The following ZNF717 variants were observed in gnomAD, a reference collection of about 807,000 sequenced individuals.
ZNF717 encodes the protein zinc finger protein 717.
In ZNF717, 9 loss-of-function variants were observed where a neutral mutation model predicts 13.8. The observed-to-expected ratio is 0.65, with a 90% confidence interval of 0.39 to 1.14. The LOEUF is 1.14. Among genes scored for constraint, ZNF717 ranks in the 50% most tolerant of loss-of-function variants. The pLI is 0.01. For missense variants in ZNF717, 1,040 were observed against 1,080.7 expected (o/e 0.96, Z 0.53); for synonymous variants, 327 against 364.1 (o/e 0.90, Z 1.16).
intron 6 of ZNF717, among the ~76,000 whole-genome samples, chr3:75,703,285 A>G (rs1218200294): frequency 1.2e-4 from 19 of 152,302 alleles, no homozygotes; most frequent in African/African-American, 4.6e-4. Context: ...AATCCCAGCA[A>G]TTTGGGAGGC....
chr3:75,731,472 A>G (rs1938544859), downstream of ZNF717, among the ~76,000 whole-genome samples: 1 of 152,126 alleles, frequency 6.6e-6, no homozygotes, highest in Non-Finnish European at 1.5e-5. Context: ...AGGCAGGGAG[A>G]ATCACTTGAA....
At chr3:75,711,233 A>T (rs2106836203) in exon 6 of ZNF717, 1 of 152,364 alleles carries the variant, frequency 6.6e-6, no homozygotes, top group East Asian at 1.9e-4. Flanking sequence ...GACAAAATGA[A>T]TGCTTCCATC....
chr3:75,784,378 ATGTTTTTAACAAAAT>A (rs917113157), intron 1 of ZNF717, among the ~76,000 whole-genome samples: 1 of 152,186 alleles, frequency 6.6e-6, no homozygotes, highest in African/African-American at 2.4e-5. Flanking sequence ...AGAATTCAAT[ATGTTTTTAACAAAAT>A]TACGTAGGGG....
At chr3:75,749,454 T>C (rs1480586538) in intron 2 of ZNF717, among the ~76,000 whole-genome samples, 1 of 151,860 alleles carries the variant, frequency 6.6e-6, no homozygotes, top group African/African-American at 2.4e-5. Flanking sequence ...TGTTTGTCCC[T>C]CACATACGAT....
At chr3:75,733,666 C>T (rs1938796799), downstream of ZNF717, among the ~76,000 whole-genome samples, 2 of 148,554 alleles carry the variant, frequency 1.3e-5, no homozygotes, top group Non-Finnish European at 3.0e-5. Flanking sequence ...ATAGTCCTAG[C>T]TACTCGGGAG....
At chr3:75,770,333 G>C (rs1431137005) in intron 2 of ZNF717, among the ~76,000 whole-genome samples, 3 of 152,212 alleles carry the variant, frequency 2.0e-5, no homozygotes, top group African/African-American at 4.8e-5. Context: ...GGCCGAGGCG[G>C]GCAGATCACC....
intron 2 of ZNF717, among the ~76,000 whole-genome samples, chr3:75,769,772 T>C (rs1339604831): frequency 2.0e-5 from 3 of 152,238 alleles, no homozygotes; most frequent in Non-Finnish European, 4.4e-5. Flanking sequence ...CATAAACACT[T>C]AGAACTGATG....
chr3:75,720,406 G>A (rs1219692477), intron 4 of ZNF717, among the ~76,000 whole-genome samples: 1 of 152,066 alleles, frequency 6.6e-6, no homozygotes, highest in Non-Finnish European at 1.5e-5. Context: ...ACTATCACAG[G>A]TTCTCACTTA....
intron 2 of ZNF717, among the ~76,000 whole-genome samples, chr3:75,754,883 G>C (rs1302648301): frequency 2.0e-5 from 3 of 151,490 alleles, no homozygotes; most frequent in Admixed American, 2.0e-4. Flanking sequence ...ACCTACACTT[G>C]GACATAAAAT....
At chr3:75,744,866 C>A (rs1312035733) in intron 2 of ZNF717, among the ~76,000 whole-genome samples, 6 of 152,192 alleles carry the variant, frequency 3.9e-5, no homozygotes, top group Admixed American at 3.9e-4. Context: ...TAATCGGAGA[C>A]TAAATAACCT....
At chr3:75,723,037 C>A (rs62248790) in intron 4 of ZNF717, among the ~76,000 whole-genome samples, 1 of 152,052 alleles carries the variant, frequency 6.6e-6, no homozygotes, top group Non-Finnish European at 1.5e-5. Flanking sequence ...ATTGGTTCAT[C>A]GAATAATGCA....
At chr3:75,716,152 T>TG (rs1938046421) in intron 5 of ZNF717, among the ~76,000 whole-genome samples, 1 of 151,174 alleles carries the variant, frequency 6.6e-6, no homozygotes, top group Admixed American at 6.6e-5. Flanking sequence ...TTTTTTTTTT[T>TG]TGTATTTTAA....
intron 2 of ZNF717, among the ~76,000 whole-genome samples, chr3:75,760,919 G>A (rs1459112218): frequency 6.6e-6 from 1 of 151,672 alleles, no homozygotes; most frequent in Non-Finnish European, 1.5e-5. Context: ...GAAAAAAAGA[G>A]AAATCTCAAA....
intron 2 of ZNF717, among the ~76,000 whole-genome samples, chr3:75,775,296 CAAAT>C (rs1478315320): frequency 7.3e-6 from 1 of 136,904 alleles, no homozygotes; most frequent in Non-Finnish European, 1.6e-5. Flanking sequence ...GTAGACCACA[CAAAT>C]AACCAAATTT....
downstream of ZNF717, among the ~76,000 whole-genome samples, chr3:75,735,570 A>G (rs1167746877): frequency 6.3e-5 from 5 of 78,952 alleles, no homozygotes; most frequent in Non-Finnish European, 1.3e-4. Context: ...ACTTGAACCC[A>G]TGAGGTTGAG....
At chr3:75,698,976 C>A (rs1267321567) in intron 6 of ZNF717, among the ~76,000 whole-genome samples, 2 of 152,298 alleles carry the variant, frequency 1.3e-5, no homozygotes, top group East Asian at 1.9e-4. Flanking sequence ...CAAGGTAGAA[C>A]CTTCCCAAGG....
rs2107196045 is a variant in ZNF717 at position 75,741,669 on chromosome 3, GCAT to G, written c.122_124del (p.Asp41del). The G allele has an allele frequency of 6.2e-7, 1 of 1,600,124 alleles. No homozygotes were observed. The highest frequency in any genetic ancestry group is 1.7e-5 in the Admixed American group (1 of 58,206). Reference sequence around the variant, plus strand: ...CACGTCCCTGTACAGGGTCCTCTGAGCATCATCCAGGTCCTGCCACTCCTCCCA... The same window carrying G: ...CACGTCCCTGTACAGGGTCCTCTGAGCATCCAGGTCCTGCCACTCCTCCCA... On this transcript the variant is annotated inframe_deletion, in exon 3 of 5. Transcript: ENST00000652011.
At chr3:75,749,865 TG>T (rs1475732149) in intron 2 of ZNF717, among the ~76,000 whole-genome samples, 2 of 150,846 alleles carry the variant, frequency 1.3e-5, no homozygotes, top group Admixed American at 6.6e-5. Context: ...ACTCCTGCTG[TG>T]GTCTGAATGT....
chr3:75,702,541 A>G (rs79405485), intron 6 of ZNF717, among the ~76,000 whole-genome samples: 11,523 of 82,102 alleles, frequency 0.14, no homozygotes, highest in Middle Eastern at 0.24. Flanking sequence ...AGAAAGAACG[A>G]ATAAGACAGT....
Sources: allele counts gnomAD v4.1 joint callset (sites outside exome capture counted in the v4.1 genomes callset), GRCh38; gene constraint gnomAD v4.1.1; transcripts MANE v1.5; gene names NCBI Gene and HGNC (gene_info 2026-07-23, HGNC 2026-07-21).